DIPK2A: variants seen among roughly 807,000 people sequenced by gnomAD.
The protein encoded by DIPK2A is divergent protein kinase domain 2A, also known as Golgi Protein of 49 kDa.
A neutral mutation model predicts 39.0 loss-of-function variants in DIPK2A; 27 were observed. The observed-to-expected ratio is 0.69, with a 90% CI of 0.51 to 0.96. The LOEUF (loss-of-function observed/expected upper bound fraction) is 0.96. Among genes scored for constraint, DIPK2A ranks in the 40% least tolerant of loss-of-function variants. DIPK2A has a pLI of 0.00. For missense variants in DIPK2A, 528 were observed against 571.3 expected (o/e 0.92, Z 0.77); for synonymous variants, 298 against 240.8 (o/e 1.24, Z -2.20).
intron 2 of DIPK2A, among the ~76,000 whole-genome samples, chr3:143,987,863 A>C (rs539295077): frequency 8.5e-5 from 13 of 152,314 alleles, no homozygotes; most frequent in Non-Finnish European, 1.8e-4. Flanking sequence ...TGCCATTAGC[A>C]ACCACCTAAT....
chr3:143,986,722 CAAAAAA>C (rs11293429), intron 2 of DIPK2A, among the ~76,000 whole-genome samples: 1 of 67,058 alleles, frequency 1.5e-5, no homozygotes, highest in Non-Finnish European at 3.8e-5. Context: ...GACTCCGTCT[CAAAAAA>C]AAAAAAAAAA....
intron 1 of DIPK2A, among the ~76,000 whole-genome samples, chr3:143,978,097 A>G (rs569010879): frequency 6.6e-6 from 1 of 152,070 alleles, no homozygotes; most frequent in South Asian, 2.1e-4. Context: ...TCTTCTGGAC[A>G]TGGGTGTCCA....
intron 2 of DIPK2A, among the ~76,000 whole-genome samples, chr3:143,986,454 G>A (rs886726350): frequency 3.3e-5 from 5 of 152,196 alleles, no homozygotes; most frequent in African/African-American, 1.2e-4. Context: ...GCCGGGTGCG[G>A]TGGCTTACGC....
chr3:143,982,581 C>G (rs994980123), intron 1 of DIPK2A, among the ~76,000 whole-genome samples: 3 of 152,084 alleles, frequency 2.0e-5, no homozygotes, highest in Non-Finnish European at 4.4e-5. Flanking sequence ...GCCTGCCTTA[C>G]AAGACCTCCT....
chr3:143,972,812 G>T lies in DIPK2A; in HGVS notation c.480G>T (p.Ala160=). ...ACGTGCGTCTGCTCACGCCCGAGGC[G>T]GTGGAGGGCTGGTCGGACCTGGTGC... ...NGDVRLLTPE[A]VEGWSDLVHC... The change falls in exon 1 of 3, where the codon GCG becomes GCT. Residue 160 remains alanine, a synonymous_variant. Transcript: ENST00000315691. The T allele has an allele frequency of 6.4e-7, 1 of 1,564,994 alleles. No homozygotes were observed.
rs1210759753 is a variant in DIPK2A at position 143,990,779 on chromosome 3, A to G, written c.*938A>G. 2 of 152,630 alleles carry G rather than the reference A, an allele frequency of 1.3e-5. No homozygotes were observed. Among genetic ancestry groups the G allele is most frequent in the Non-Finnish European group, 2.9e-5 (2 of 68,006 alleles). 9.5% of individuals were successfully genotyped at this position (152,630 alleles called of 1,614,324 possible). A position where few individuals can be genotyped will look rare whatever the true frequency, so the allele number is the denominator to read the frequency against. On this transcript the variant is annotated 3_prime_UTR_variant, in exon 3 of 3. Coordinates refer to ENST00000315691, the MANE Select transcript of DIPK2A (RefSeq NM_173552.5). ...CCTAATCTCATGTTTAGAATTTAAA[A>G]TAGAATTGGTCAGCTACTTATTCTT...
intron 1 of DIPK2A, among the ~76,000 whole-genome samples, chr3:143,974,255 A>C (rs564660782): frequency 2.0e-5 from 3 of 152,172 alleles, no homozygotes; most frequent in Non-Finnish European, 4.4e-5. Context: ...AGTTCAGCCA[A>C]ATAATGTAAC....
At chr3:143,978,659 TCTATATATAG>T (rs2087779274) in intron 1 of DIPK2A, 63 of 58,548 alleles carry the variant, frequency 1.1e-3, no homozygotes, top group African/African-American at 6.3e-3. Context: ...TATATATATA[TCTATATATAG>T]ATATATATAT....
chr3:143,982,029 T>C (rs1183860935), intron 1 of DIPK2A, among the ~76,000 whole-genome samples: 3 of 152,242 alleles, frequency 2.0e-5, no homozygotes, highest in Non-Finnish European at 4.4e-5. Context: ...GGAATTTGTT[T>C]TGTGCTTATC....
chr3:143,978,612 ATATC>A (rs1325100382), intron 1 of DIPK2A: 1 of 34,794 alleles, frequency 2.9e-5, no homozygotes, highest in Non-Finnish European at 4.5e-5. Flanking sequence ...CTATATATAT[ATATC>A]TATATCTATA....
intron 1 of DIPK2A, chr3:143,973,229 A>T: frequency 9.0e-7 from 1 of 1,116,716 alleles, no homozygotes; most frequent in Non-Finnish European, 1.3e-6. Flanking sequence ...TTCGGATTTG[A>T]CTGTGGATCT....
chr3:143,988,144 G>T (rs2087932029), intron 2 of DIPK2A, among the ~76,000 whole-genome samples: 1 of 151,784 alleles, frequency 6.6e-6, no homozygotes, highest in African/African-American at 2.4e-5. Flanking sequence ...TGTCACCCAG[G>T]CTGGAGTGCA....
In DIPK2A at chr3:143,985,687, A is replaced by G; in HGVS notation, c.802A>G (p.Met268Val). ...ACGAGTTGACCTCGCTTGGCAATTA[A>G]TGGAAATAGCAGAACAGCTTACAAA... ...EKRVDLAWQL[M>V]EIAEQLTNND... is the part of the protein sequence containing the mutation. The change falls in exon 2 of 3, where the codon ATG becomes GTG. Residue 268 changes from methionine (M) to valine (V), a missense_variant. By Grantham distance (21) the Met-to-Val change is conservative. Around this residue, in one of 2 missense-constraint regions of DIPK2A, gnomAD observed 219 missense variants for 281.5 expected, o/e 0.78. Coordinates refer to ENST00000315691, the MANE Select transcript of DIPK2A (RefSeq NM_173552.5). The G allele has an allele frequency of 6.2e-7, 1 of 1,614,220 alleles. No individual in the cohort carries two copies.
rs912198819 is a variant in DIPK2A at position 143,991,031 on chromosome 3, A to C, written c.*1190A>C. ...TAATCATTATTACTATAAAGCATAC[A>C]AATTAGCCAGTCAGCACACTTTGGT... On this transcript the variant is annotated 3_prime_UTR_variant, in exon 3 of 3. Transcript: ENST00000315691. 1.3e-5 allele frequency: 2 copies of C among 152,444 alleles called. No individual in the cohort carries two copies. The highest frequency in any genetic ancestry group is 4.8e-5 in the African/African-American group (2 of 41,466). The allele number at this position is 152,444 out of a possible 1,614,324, so 9.4% of individuals were successfully genotyped here.
rs200917726 is a variant in DIPK2A, at chr3:143,989,733, C to T, written c.1185C>T (p.Leu395=). ...PPSEIAKDGR[L]EALLDECANP... ...GTGAAATTGCCAAAGATGGCCGGCT[C>T]GAGGCCTTGCTGGATGAGTGTGCCA... Residue 395 remains leucine (L), a synonymous_variant, in exon 3 of 3, where the codon CTC becomes CTT. Coordinates refer to ENST00000315691, the MANE Select transcript of DIPK2A (RefSeq NM_173552.5). The T allele has an allele frequency of 3.7e-5, 60 of 1,614,208 alleles. No homozygotes were observed. The highest frequency in any genetic ancestry group is 1.7e-4 in the African/African-American group (13 of 75,050).
In DIPK2A at chr3:143,972,029, C is replaced by G. The variant is rs1034845182; in HGVS notation, c.-304C>G. The G allele has an allele frequency of 3.3e-5, 11 of 333,738 alleles. No individual in the cohort carries two copies. In the South Asian group the frequency reaches 1.4e-3, roughly 41 times the overall value. 20.7% of individuals were successfully genotyped at this position (333,738 alleles called of 1,614,324 possible). ...CCGTCGGGTCCCCGCGCTCCCTCCC[C>G]CTCCCGCTCCTCTATAACTTGGCTG... is the stretch of plus-strand genomic sequence containing the variant. On this transcript the variant is annotated 5_prime_UTR_variant, in exon 1 of 3. Coordinates refer to ENST00000315691, the MANE Select transcript of DIPK2A (RefSeq NM_173552.5).
chr3:143,972,164 C>G lies in DIPK2A; in HGVS notation c.-169C>G. 1.9e-6 allele frequency: 1 copy of G among 513,486 alleles called. No homozygotes were observed. Among genetic ancestry groups the G allele is most frequent in the Non-Finnish European group, 3.1e-6 (1 of 320,654 alleles). 31.8% of individuals were successfully genotyped at this position (513,486 alleles called of 1,614,324 possible). A position where few individuals can be genotyped will look rare whatever the true frequency, so the allele number is the denominator to read the frequency against. ...AGTCGCAGCCCGCTCAGGCCCGCGC[C>G]TTCCCGCTCCCCGTCTTCCTCTCTC... is the stretch of plus-strand genomic sequence containing the variant. On this transcript the variant is annotated 5_prime_UTR_variant, in exon 1 of 3. Transcript: ENST00000315691.
At chr3:143,987,035 C>T (rs1001006234) in intron 2 of DIPK2A, among the ~76,000 whole-genome samples, 1 of 152,068 alleles carries the variant, frequency 6.6e-6, no homozygotes, top group Admixed American at 6.6e-5. Context: ...ATTTTTCCCA[C>T]TCCCTTTTTC....
At position 143,979,352 on chromosome 3, in the gene DIPK2A, C is replaced by T. The variant is rs146310347; in HGVS notation, c.658-6191C>T. ...AAAGGCAAATAGTTTCTTTTTTTCTCTGTAAATCATTATTATAGTTTAGTA... is the reference window on the plus strand; with the variant it reads ...AAAGGCAAATAGTTTCTTTTTTTCTTTGTAAATCATTATTATAGTTTAGTA... On this transcript the variant is annotated intron_variant, in intron 1 of 2. Transcript: ENST00000315691. Among the ~76,000 whole-genome samples, 613 of 152,104 alleles carry T rather than the reference C, an allele frequency of 4.0e-3. 14 individuals are homozygous for T. In the East Asian group the frequency reaches 0.047, roughly 12 times the overall value.
Sources: gnomAD v4.1 joint callset for allele counts (sites outside exome capture counted in the v4.1 genomes callset) on GRCh38, gnomAD v4.1.1 for gene constraint, gnomAD v4.1.1 regional missense constraint, MANE v1.5 for transcripts, NCBI Gene and HGNC (gene_info 2026-07-23, HGNC 2026-07-21) for gene names.